The following ANK2 variants were observed in gnomAD, a reference collection of about 807,000 sequenced individuals.
The protein encoded by ANK2 is ankyrin 2.
Under a neutral mutation model 360.5 loss-of-function variants are expected in ANK2, and 83 were observed. The ratio of observed to expected loss-of-function variants is 0.23; its 90% CI spans 0.19 to 0.28. The LOEUF is 0.28. Among genes scored for constraint, ANK2 ranks in the 10% least tolerant of loss-of-function variants. The pLI is 1.00. For synonymous variants in ANK2, 1,740 were observed against 1,759.5 expected, an observed-to-expected ratio of 0.99 and a Z score of 0.28; for missense variants, 4,201 against 4,795.7, an observed-to-expected ratio of 0.88 and a Z score of 3.66.
intron 1 of ANK2, among the ~76,000 whole-genome samples, chr4:112,855,368 T>G (rs2066106350): frequency 6.6e-6 from 1 of 152,224 alleles, no homozygotes; most frequent in South Asian, 2.1e-4. Flanking sequence ...AACTTTCAGT[T>G]ATGCTAAATT....
At chr4:113,209,144 G>A (rs1245196911) in intron 4 of ANK2, among the ~76,000 whole-genome samples, 1 of 151,850 alleles carries the variant, frequency 6.6e-6, no homozygotes, top group Admixed American at 6.6e-5. Context: ...CCATTTTGAG[G>A]ATACAGAAAG....
intron 38 of ANK2, among the ~76,000 whole-genome samples, chr4:113,360,371 A>C (rs1188326060): frequency 6.6e-6 from 1 of 152,150 alleles, no homozygotes; most frequent in Non-Finnish European, 1.5e-5. Flanking sequence ...ATCTCTTGTG[A>C]ATCTCTGATG....
In ANK2 at chr4:112,826,409, A is replaced by T. The variant is rs538722822; in HGVS notation, c.-40+8145A>T. On this transcript the variant is annotated intron_variant, in intron 1 of 30. Coordinates refer to the ANK2 transcript ENST00000503271. ...CAGTTGTCCCTGGAACAGAAGTAAC[A>T]CTTTCCCTACCAGCAGTAACTTTTG... is the stretch of plus-strand genomic sequence containing the variant. The T allele has an allele frequency of 6.3e-5, 65 of 1,024,628 alleles. 1 individual carries two copies. In the South Asian group the frequency reaches 9.1e-4, roughly 14 times the overall value. The allele number at this position is 1,024,628 out of a possible 1,614,324, so 63.5% of individuals were successfully genotyped here.
chr4:113,121,771 G>A (rs941234249), intron 1 of ANK2, among the ~76,000 whole-genome samples: 11 of 152,028 alleles, frequency 7.2e-5, no homozygotes, highest in African/African-American at 2.7e-4. Context: ...ACAGTAAAAG[G>A]TTCTGATTAG....
the ANK2 span, among the ~76,000 whole-genome samples, chr4:112,750,931 C>G: frequency 2.0e-5 from 3 of 151,956 alleles, no homozygotes; most frequent in Non-Finnish European, 4.4e-5. Flanking sequence ...CTCACTATGT[C>G]GGTCAGGCTG....
chr4:113,181,259 C>T lies in ANK2; in HGVS notation c.186+6742C>T, dbSNP rs138440720. Among the ~76,000 whole-genome samples the T allele has an allele frequency of 1.1e-4, 17 of 152,256 alleles. No individual in the cohort carries two copies. The East Asian group carries it at 1.7e-3, about 16-fold the overall frequency. On this transcript the variant is annotated intron_variant, in intron 2 of 45. Coordinates refer to ENST00000357077, the MANE Select transcript of ANK2 (RefSeq NM_001148.6). ...AAGTACTCTCCGCAGTGGTTTAGAT[C>T]GGAACAGAACACTTTATAATCTGGA...
At chr4:112,966,336 A>G (rs1461806112) in intron 2 of ANK2, among the ~76,000 whole-genome samples, 1 of 151,794 alleles carries the variant, frequency 6.6e-6, no homozygotes, top group Non-Finnish European at 1.5e-5. Flanking sequence ...TTTAATATAT[A>G]TATTTTTCAT....
chr4:113,328,756 A>C (rs1266342217), intron 26 of ANK2, among the ~76,000 whole-genome samples: 1 of 152,126 alleles, frequency 6.6e-6, no homozygotes, highest in East Asian at 1.9e-4. Context: ...TCAGACAGGC[A>C]CTCTGGGCTC....
intron 2 of ANK2, among the ~76,000 whole-genome samples, chr4:112,942,698 C>A (rs905866170): frequency 6.6e-6 from 1 of 151,398 alleles, no homozygotes; most frequent in African/African-American, 2.4e-5. Context: ...ATCTAGCATG[C>A]CTTATGGTTG....
At chr4:112,814,382 G>T (rs2055493875), upstream of ANK2, among the ~76,000 whole-genome samples, 1 of 152,074 alleles carries the variant, frequency 6.6e-6, no homozygotes, top group Non-Finnish European at 1.5e-5. Context: ...GGTGTTAGAG[G>T]CCATGATGAG....
At chr4:113,251,248 G>C (rs899958158) in intron 10 of ANK2, among the ~76,000 whole-genome samples, 1 of 152,094 alleles carries the variant, frequency 6.6e-6, no homozygotes, top group Non-Finnish European at 1.5e-5. Flanking sequence ...GCTTGTAATT[G>C]TCATGTCACT....
intron 4 of ANK2, among the ~76,000 whole-genome samples, chr4:113,203,138 T>A (rs1421177478): frequency 6.6e-6 from 1 of 152,240 alleles, no homozygotes; most frequent in African/African-American, 2.4e-5. Flanking sequence ...CAAAGTCACT[T>A]GCAGAAGATC....
intron 2 of ANK2, among the ~76,000 whole-genome samples, chr4:113,019,329 C>A (rs566400416): frequency 3.2e-4 from 48 of 152,248 alleles, no homozygotes; most frequent in Admixed American, 1.4e-3. Flanking sequence ...TTTTTTTGTA[C>A]TTAAAGTTTG....
rs1383773158 is a variant in ANK2, at chr4:113,322,055, G to T, written c.2900+3435G>T. Among the ~76,000 whole-genome samples the T allele has an allele frequency of 3.3e-5, 5 of 152,192 alleles. No individual in the cohort carries two copies. In the East Asian group the frequency reaches 5.8e-4, roughly 18 times the overall value. ...CCAAAAAACAGATATTTTGATAGAG[G>T]TGATAATAAAGTTAGTTTTTTATGC... On this transcript the variant is annotated intron_variant, in intron 26 of 45. Coordinates refer to ENST00000357077, the MANE Select transcript of ANK2 (RefSeq NM_001148.6).
chr4:113,004,357 A>G (rs1241802904), intron 2 of ANK2, among the ~76,000 whole-genome samples: 8 of 152,162 alleles, frequency 5.3e-5, no homozygotes, highest in Non-Finnish European at 1.5e-5. Flanking sequence ...CTAATTCTAT[A>G]AACTATTTTC....
At chr4:113,212,308 C>G (rs1209691534) in intron 4 of ANK2, among the ~76,000 whole-genome samples, 4 of 151,688 alleles carry the variant, frequency 2.6e-5, no homozygotes, top group Non-Finnish European at 5.9e-5. Context: ...TGTTTATTTC[C>G]TTTCTTAATT....
chr4:113,086,695 G>A (rs2084966794), intron 1 of ANK2, among the ~76,000 whole-genome samples: 1 of 152,234 alleles, frequency 6.6e-6, no homozygotes, highest in Non-Finnish European at 1.5e-5. Context: ...GGGACAGAGA[G>A]TGATGGGGGG....
chr4:113,161,595 T>C, intron 1 of ANK2, among the ~76,000 whole-genome samples: 1 of 152,162 alleles, frequency 6.6e-6, no homozygotes. Flanking sequence ...GCCTCTCAGT[T>C]GTGCCCTGGT....
chr4:112,824,399 G>T (rs192246452), intron 1 of ANK2, among the ~76,000 whole-genome samples: 61 of 152,062 alleles, frequency 4.0e-4, no homozygotes, highest in Non-Finnish European at 4.4e-4. Flanking sequence ...ACAGTGTGTT[G>T]TTCTGTTGCC....
Sources: gnomAD v4.1 joint callset for allele counts (sites outside exome capture counted in the v4.1 genomes callset) on GRCh38, gnomAD v4.1.1 for gene constraint, MANE v1.5 for transcripts, NCBI Gene and HGNC (gene_info 2026-07-23, HGNC 2026-07-21) for gene names.